Variants in URB1 observed in about 807,000 individuals in gnomAD.
The protein encoded by URB1 is URB1 ribosome biogenesis factor.
URB1 carries 197 observed loss-of-function variants against 242.3 expected under a neutral mutation model. The observed-to-expected ratio is 0.81, with a 90% CI of 0.72 to 0.91. URB1 has a LOEUF of 0.91. Among genes scored for constraint, URB1 ranks in the 40% least tolerant of loss-of-function variants. The pLI, the probability that URB1 is intolerant of heterozygous loss-of-function variation, is 0.00. For missense variants in URB1, 2,721 were observed against 2,860.5 expected (o/e 0.95, Z 1.11); for synonymous variants, 1,153 against 1,201.8 (o/e 0.96, Z 0.84).
chr21:32,368,342 A>AGCC (rs1440028883), intron 9 of URB1, 61 bp downstream of exon 9: 1 of 1,433,964 alleles, frequency 7.0e-7, no homozygotes, highest in African/African-American at 1.4e-5. Flanking sequence ...TGCTGGGATT[A>AGCC]CAGGCATGAG....
intron 15 of URB1, among the ~76,000 whole-genome samples, chr21:32,356,260 C>T (rs147575299): frequency 4.5e-4 from 68 of 152,184 alleles, no homozygotes; most frequent in African/African-American, 1.0e-3. Flanking sequence ...AGTGGTGGTG[C>T]GCACACATGT....
chr21:32,326,872 G>C lies in URB1; in HGVS notation c.4961-1483C>G, dbSNP rs117363105. ...ATACCAGTGCAAGAATGGACCAATAGAGATGGGATTATCAGTGATTAGACA... is the reference window on the plus strand; with the variant it reads ...ATACCAGTGCAAGAATGGACCAATACAGATGGGATTATCAGTGATTAGACA... On this transcript the variant is annotated intron_variant, in intron 30 of 38. Transcript: ENST00000382751. Among the ~76,000 whole-genome samples, 197 of 152,244 alleles carry C rather than the reference G, an allele frequency of 1.3e-3. 2 individuals carry two copies. The East Asian group carries it at 0.03, about 23-fold the overall frequency.
rs896609209 is a variant in URB1, at chr21:32,383,523, C to A, written c.466G>T (p.Ala156Ser). Residue 156 changes from alanine (A) to serine (S), a missense_variant, in exon 4 of 39, where the codon GCC becomes TCC. Physicochemically the swap from Ala to Ser is moderately conservative, Grantham distance 99 (BLOSUM62 1). Coordinates refer to ENST00000382751, the MANE Select transcript of URB1 (RefSeq NM_014825.3). ...GCTTCCGGACCCTGGGTCACCATGG[C>A]GGTCATCAGGCTCAGGCAGGCGCGA... ...LARACLSLMT[A>S]MVTQGPEAAR... The A allele has an allele frequency of 3.2e-6, 5 of 1,551,532 alleles. No homozygotes were observed. The African/African-American group carries it at 5.5e-5, about 17-fold the overall frequency.
rs549611075 is a variant in URB1, at chr21:32,367,714, C to A, written c.1197+689G>T. Reference sequence around the variant, plus strand: ...TTATTTCAAGTTGTTCTAATTGAAGCAGCAACCTTTAAAAACTATCCTACA... The same window carrying A: ...TTATTTCAAGTTGTTCTAATTGAAGAAGCAACCTTTAAAAACTATCCTACA... On this transcript the variant is annotated intron_variant, in intron 9 of 38. Transcript: ENST00000382751. Among the ~76,000 whole-genome samples the A allele has an allele frequency of 4.6e-5, 7 of 152,336 alleles. No homozygotes were observed. The South Asian group carries it at 1.4e-3, about 32-fold the overall frequency.
At chr21:32,362,193 T>C (rs2070379) in intron 11 of URB1, among the ~76,000 whole-genome samples, 172 bp from the exon 12 acceptor site, 30,654 of 151,942 alleles carry the variant, frequency 0.2, 5,243 homozygotes, top group African/African-American at 0.47. Flanking sequence ...TCCACATAAG[T>C]TCTGCTCTGC....
rs181527048 is a variant in URB1 at position 32,388,248 on chromosome 21, C to T, written c.143-2564G>A. ...AGCTCTGGGTACCTCACCTGTATAA[C>T]GGAACAAGAACAGAACCTACCTGAC... On this transcript the variant is annotated intron_variant, in intron 1 of 38. Transcript: ENST00000382751. Among the ~76,000 whole-genome samples the T allele has an allele frequency of 7.2e-3, 1,095 of 152,220 alleles. 10 individuals carry two copies. Among genetic ancestry groups the T allele is most frequent in the African/African-American group, 0.025 (1,057 of 41,538 alleles).
intron 35 of URB1, 33 bp from the exon 36 acceptor site, chr21:32,319,447 A>G: frequency 1.4e-6 from 2 of 1,474,712 alleles, no homozygotes; most frequent in Non-Finnish European, 1.8e-6. Context: ...TCAATCCGCC[A>G]CATCCTGACC....
At chr21:32,330,197 G>GTTTT (rs34078592) in intron 30 of URB1, among the ~76,000 whole-genome samples, 4 of 84,698 alleles carry the variant, frequency 4.7e-5, no homozygotes, top group Non-Finnish European at 9.7e-5. Context: ...TTTGGGGAGT[G>GTTTT]TTTTTTTTTT....
chr21:32,315,428 C>G (rs527284168), intron 38 of URB1, among the ~76,000 whole-genome samples: 2 of 152,210 alleles, frequency 1.3e-5, no homozygotes, highest in Non-Finnish European at 2.9e-5. Flanking sequence ...ATCCTCCCAC[C>G]TCAGCCTCCA....
At position 32,312,499 on chromosome 21, in the gene URB1, C is replaced by T. The variant is rs1009648965; in HGVS notation, c.*2419G>A. On this transcript the variant is annotated 3_prime_UTR_variant, in exon 39 of 39. Coordinates refer to ENST00000382751, the MANE Select transcript of URB1 (RefSeq NM_014825.3). ...TGCAGTCTGGGGACCTGAGTTGCAC[C>T]TTCAACCTCCCCACAGCCTTTCAAA... The T allele has an allele frequency of 1.7e-4, 39 of 226,286 alleles. No individual in the cohort carries two copies. Among genetic ancestry groups the T allele is most frequent in the African/African-American group, 8.8e-4 (39 of 44,356 alleles). 14.0% of individuals were successfully genotyped at this position (226,286 alleles called of 1,614,324 possible).
At position 32,345,448 on chromosome 21, in the gene URB1, A is replaced by G; in HGVS notation, c.3996T>C (p.Phe1332=). The change falls in exon 23 of 39, where the codon TTT becomes TTC. Residue 1332 remains phenylalanine, a synonymous_variant. Coordinates refer to ENST00000382751, the MANE Select transcript of URB1 (RefSeq NM_014825.3). The part of the protein sequence containing the change: ...YQEILAQLVP[F]ARAKDLSVLM... ...GTACACTGAGATCCTTGGCTCGTGC[A>G]AACGGGACCAGCTGTGCCAGGATCT... is the stretch of plus-strand genomic sequence containing the variant. 1 of 1,551,632 alleles carries G rather than the reference A, an allele frequency of 6.4e-7. No homozygotes were observed. The highest frequency in any genetic ancestry group is 8.7e-7 in the Non-Finnish European group (1 of 1,146,986).
At chr21:32,370,444 C>T (rs1302825398) in intron 8 of URB1, among the ~76,000 whole-genome samples, 1 of 152,098 alleles carries the variant, frequency 6.6e-6, no homozygotes, top group Non-Finnish European at 1.5e-5. Context: ...ACAAAGAGTG[C>T]TAAAAATACT....
At chr21:32,352,432 C>T (rs980034051) in intron 19 of URB1, among the ~76,000 whole-genome samples, 2 of 152,252 alleles carry the variant, frequency 1.3e-5, no homozygotes, top group Admixed American at 1.3e-4. Context: ...AGGCAACGCT[C>T]CTGCCCCAGG....
intron 20 of URB1, among the ~76,000 whole-genome samples, chr21:32,350,193 G>A (rs940987814): frequency 2.6e-5 from 4 of 152,030 alleles, no homozygotes; most frequent in African/African-American, 9.6e-5. Flanking sequence ...AGCACTGTGG[G>A]AGGCTGAGGC....
chr21:32,312,041 G>C lies in URB1; in HGVS notation c.*2877C>G. 1 of 1,611,378 alleles carries C rather than the reference G, an allele frequency of 6.2e-7. No homozygotes were observed. Among genetic ancestry groups the C allele is most frequent in the South Asian group, 1.1e-5 (1 of 91,078 alleles). ...TAGCTGAGTGAACTGGTGAAATCAA[G>C]CCAACCTGGACACATACGTTCCTCG... On this transcript the variant is annotated 3_prime_UTR_variant, in exon 39 of 39. Coordinates refer to ENST00000382751, the MANE Select transcript of URB1 (RefSeq NM_014825.3).
intron 26 of URB1, among the ~76,000 whole-genome samples, chr21:32,337,937 T>C (rs2032981429): frequency 6.6e-6 from 1 of 152,184 alleles, no homozygotes; most frequent in African/African-American, 2.4e-5. Flanking sequence ...CCAATACAGA[T>C]TTTCAATCCA....
intron 19 of URB1, among the ~76,000 whole-genome samples, chr21:32,351,939 G>A (rs1344391158): frequency 6.6e-6 from 1 of 152,194 alleles, no homozygotes; most frequent in Non-Finnish European, 1.5e-5. Context: ...TATGCATAAA[G>A]GATGGTGAGA....
intron 4 of URB1, among the ~76,000 whole-genome samples, chr21:32,381,676 A>G (rs2033528640): frequency 6.6e-6 from 1 of 152,236 alleles, no homozygotes; most frequent in Non-Finnish European, 1.5e-5. Context: ...GAAATTATTA[A>G]TGTGTTAGGC....
chr21:32,351,893 C>A (rs2033162533), intron 19 of URB1, among the ~76,000 whole-genome samples: 1 of 152,240 alleles, frequency 6.6e-6, no homozygotes, highest in Non-Finnish European at 1.5e-5. Context: ...CCGCCACTGA[C>A]TGGTGTTGGA....
Sources: allele counts gnomAD v4.1 joint callset (sites outside exome capture counted in the v4.1 genomes callset), GRCh38; gene constraint gnomAD v4.1.1; transcripts MANE v1.5; gene names NCBI Gene and HGNC (gene_info 2026-07-23, HGNC 2026-07-21).